The following CNTNAP2 variants were observed in gnomAD, a reference collection of about 807,000 sequenced individuals.
The protein encoded by CNTNAP2 is contactin-associated protein-like 2.
In CNTNAP2, 98 loss-of-function variants were observed where a neutral mutation model predicts 155.2. That is an observed-to-expected ratio of 0.63 (90% confidence interval 0.54 to 0.75). The LOEUF is 0.75. CNTNAP2 is among the 30% of genes least tolerant of loss of function. CNTNAP2 has a pLI of 0.00. For missense variants in CNTNAP2, 1,727 were observed against 1,688.1 expected, an observed-to-expected ratio of 1.02 and a Z score of -0.40; for synonymous variants, 651 against 631.2, an observed-to-expected ratio of 1.03 and a Z score of -0.47.
intron 2 of CNTNAP2, among the ~76,000 whole-genome samples, chr7:146,778,615 GCA>G (rs1802431221): frequency 6.6e-6 from 1 of 152,142 alleles, no homozygotes. Flanking sequence ...TCCAAGGTTA[GCA>G]CAGATACAAA....
chr7:146,426,499 ATC>A, intron 1 of CNTNAP2, among the ~76,000 whole-genome samples: 1 of 151,320 alleles, frequency 6.6e-6, no homozygotes, highest in Middle Eastern at 3.4e-3. Flanking sequence ...ACACATATAT[ATC>A]TACTTGTACA....
At chr7:147,833,159 T>C (rs563299308) in intron 13 of CNTNAP2, among the ~76,000 whole-genome samples, 1 of 150,976 alleles carries the variant, frequency 6.6e-6, no homozygotes, top group Non-Finnish European at 1.5e-5. Flanking sequence ...CAATGATAAC[T>C]GCTAGCATCG....
At chr7:146,794,762 A>G (rs974522887) in intron 2 of CNTNAP2, among the ~76,000 whole-genome samples, 2 of 152,240 alleles carry the variant, frequency 1.3e-5, no homozygotes, top group African/African-American at 4.8e-5. Context: ...TATTATACCG[A>G]TTATTCATTC....
chr7:147,229,167 T>C (rs1803622227), intron 8 of CNTNAP2, among the ~76,000 whole-genome samples: 1 of 152,172 alleles, frequency 6.6e-6, no homozygotes, highest in Non-Finnish European at 1.5e-5. Context: ...ATTCATTTTT[T>C]TCCTTATGCC....
At chr7:146,735,911 G>T (rs1445554461) in intron 1 of CNTNAP2, among the ~76,000 whole-genome samples, 3 of 151,912 alleles carry the variant, frequency 2.0e-5, no homozygotes, top group African/African-American at 7.3e-5. Flanking sequence ...GATTTCGAAC[G>T]TTCCCAACAT....
chr7:148,364,320 G>A (rs1268006359), intron 21 of CNTNAP2, among the ~76,000 whole-genome samples: 1 of 152,236 alleles, frequency 6.6e-6, no homozygotes, highest in East Asian at 1.9e-4. Flanking sequence ...CTCAGGGATT[G>A]TAAATACACC....
intron 17 of CNTNAP2, among the ~76,000 whole-genome samples, chr7:148,150,267 G>A (rs1334184324): frequency 6.6e-6 from 1 of 151,864 alleles, no homozygotes; most frequent in Admixed American, 6.6e-5. Flanking sequence ...CAAAAATTAG[G>A]GCTGGGCGCA....
rs549025619 is a variant in CNTNAP2 at position 148,192,329 on chromosome 7, G to A, written c.3010+19851G>A. ...TTGTTTAGCTCGCACTTATAAATGA[G>A]AATATGCAGTATTTGTCTGTCTCGG... On this transcript the variant is annotated intron_variant, in intron 18 of 23. Coordinates refer to ENST00000361727, the MANE Select transcript of CNTNAP2 (RefSeq NM_014141.6). Among the ~76,000 whole-genome samples, 232 of 152,194 alleles carry A rather than the reference G, an allele frequency of 1.5e-3. 2 individuals carry two copies. Among genetic ancestry groups the A allele is most frequent in the Non-Finnish European group, 4.4e-4 (30 of 68,014 alleles).
chr7:147,930,633 C>T (rs367950104), intron 14 of CNTNAP2, among the ~76,000 whole-genome samples: 2 of 152,264 alleles, frequency 1.3e-5, no homozygotes, highest in African/African-American at 4.8e-5. Flanking sequence ...ACTTGCATAT[C>T]CCACTAAATA....
At chr7:146,737,540 A>G (rs1444407268) in intron 1 of CNTNAP2, among the ~76,000 whole-genome samples, 1 of 152,160 alleles carries the variant, frequency 6.6e-6, no homozygotes, top group Non-Finnish European at 1.5e-5. Context: ...CGGGTTATGC[A>G]TAAAGTGCCT....
chr7:148,148,781 C>T (rs1037556426), intron 17 of CNTNAP2, among the ~76,000 whole-genome samples: 2 of 152,094 alleles, frequency 1.3e-5, no homozygotes, highest in African/African-American at 4.8e-5. Context: ...TGATGTCGGC[C>T]AACTACAAAA....
chr7:147,946,619 A>G (rs1192170051), intron 14 of CNTNAP2, among the ~76,000 whole-genome samples: 1 of 152,052 alleles, frequency 6.6e-6, no homozygotes, highest in Non-Finnish European at 1.5e-5. Context: ...CTGCCCTCAC[A>G]TGAGCGATTT....
Position 147,186,866 on chromosome 7 carries a change from T to TTTTAGAATGTCAG in CNTNAP2, c.1348+54358_1348+54359insTTAGAATGTCAGT, listed in dbSNP as rs373263427. 7.9e-3 allele frequency among the ~76,000 whole-genome samples: 1,125 copies of TTTTAGAATGTCAG among 141,796 alleles called. 56 individuals are homozygous for TTTTAGAATGTCAG. Among genetic ancestry groups the TTTTAGAATGTCAG allele is most frequent in the South Asian group, 0.012 (54 of 4,412 alleles). 93.0% of individuals were successfully genotyped at this position (141,796 alleles called of 152,430 possible). A position where few individuals can be genotyped will look rare whatever the true frequency, so the allele number is the denominator to read the frequency against. On this transcript the variant is annotated intron_variant, in intron 8 of 23. Coordinates refer to ENST00000361727, the MANE Select transcript of CNTNAP2 (RefSeq NM_014141.6). ...GGTTTGGTCCAGTTGAAGAAGGCACTTGATCTTTTCGGGCTGACCAGTAGG... is the reference window on the plus strand; with the variant it reads ...GGTTTGGTCCAGTTGAAGAAGGCACTTTTAGAATGTCAGTGATCTTTTCGGGCTGACCAGTAGG...
intron 12 of CNTNAP2, among the ~76,000 whole-genome samples, chr7:147,614,967 T>C (rs1280847485): frequency 6.6e-6 from 1 of 151,762 alleles, no homozygotes; most frequent in Non-Finnish European, 1.5e-5. Flanking sequence ...AAATTAAGAA[T>C]TCAAGCCACA....
intron 15 of CNTNAP2, among the ~76,000 whole-genome samples, chr7:148,069,195 CCTT>C (rs771881386): frequency 6.6e-6 from 1 of 152,142 alleles, no homozygotes; most frequent in Non-Finnish European, 1.5e-5. Context: ...TCCTGCTACT[CCTT>C]CTCGGCTGGA....
chr7:147,033,973 T>C (rs1303729048), intron 3 of CNTNAP2, among the ~76,000 whole-genome samples: 1 of 152,130 alleles, frequency 6.6e-6, no homozygotes, highest in East Asian at 1.9e-4. Flanking sequence ...GGCTGCTCCA[T>C]AGACAGAGCA....
At chr7:146,626,840 A>G (rs751785609) in intron 1 of CNTNAP2, among the ~76,000 whole-genome samples, 10 of 152,164 alleles carry the variant, frequency 6.6e-5, no homozygotes, top group Non-Finnish European at 1.5e-4. Context: ...AACCTGAATA[A>G]CAACATGCTA....
intron 20 of CNTNAP2, among the ~76,000 whole-genome samples, chr7:148,261,402 C>T (rs548632804): frequency 9.9e-5 from 15 of 152,192 alleles, no homozygotes; most frequent in Non-Finnish European, 1.8e-4. Flanking sequence ...ACAGGTGATC[C>T]GCCCACTTTG....
intron 1 of CNTNAP2, among the ~76,000 whole-genome samples, chr7:146,139,169 C>T (rs867359197): frequency 6.6e-6 from 1 of 152,070 alleles, no homozygotes; most frequent in African/African-American, 2.4e-5. Context: ...TTCCTCCCAG[C>T]ATGTGAGAAA....
Sources: gnomAD v4.1 joint callset for allele counts (sites outside exome capture counted in the v4.1 genomes callset) on GRCh38, gnomAD v4.1.1 for gene constraint, MANE v1.5 for transcripts, NCBI Gene and HGNC (gene_info 2026-07-23, HGNC 2026-07-21) for gene names.